The following RBM19 variants were observed in gnomAD, a reference collection of about 807,000 sequenced individuals.
The protein encoded by RBM19 is RNA binding motif protein 19, also known as probable RNA-binding protein 19.
RBM19 carries 94 observed loss-of-function variants against 116.8 expected under a neutral mutation model. The observed-to-expected ratio is 0.80, with a 90% CI of 0.68 to 0.95. The LOEUF is 0.95. Ranked by LOEUF, RBM19 falls within the 40% of genes least tolerant of loss-of-function variation. The pLI is 0.00. For synonymous variants in RBM19, 475 were observed against 494.1 expected (o/e 0.96, Z 0.51); for missense variants, 1,161 against 1,220.7 (o/e 0.95, Z 0.73).
intron 7 of RBM19, 27 bp downstream of exon 7, chr12:113,955,104 C>T (rs762503904): frequency 2.5e-5 from 41 of 1,611,300 alleles, no homozygotes; most frequent in East Asian, 6.7e-5. Flanking sequence ...CGCAGGCTGC[C>T]GACCCTTGTC....
In RBM19 at chr12:113,823,187, C is replaced by T. The variant is rs757402572; in HGVS notation, c.*37G>A. 3 of 1,589,746 alleles carry T rather than the reference C, an allele frequency of 1.9e-6. No homozygotes were observed. The highest frequency in any genetic ancestry group is 1.7e-5 in the Admixed American group (1 of 59,146). ...GAAGCTGGAGCGGCTGTCCCGGTCC[C>T]CAGGGCCCCGGAGCCACACACCCTC... On this transcript the variant is annotated 3_prime_UTR_variant, in exon 24 of 24. Coordinates refer to ENST00000261741, the MANE Select transcript of RBM19 (RefSeq NM_016196.4).
chr12:113,817,012 T>C (rs1318670541), exon 25 of RBM19: 1 of 152,238 alleles, frequency 6.6e-6, no homozygotes, highest in African/African-American at 2.4e-5. Context: ...ACAAATTGAA[T>C]TAGATGTTGA....
At chr12:113,928,388 GCA>G (rs1029913557) in intron 16 of RBM19, among the ~76,000 whole-genome samples, 11 of 147,390 alleles carry the variant, frequency 7.5e-5, no homozygotes, top group South Asian at 6.6e-4. Context: ...ACCATGATCT[GCA>G]CATTTATGAG....
intron 21 of RBM19, among the ~76,000 whole-genome samples, chr12:113,862,831 C>A (rs189452544): frequency 6.6e-6 from 1 of 152,144 alleles, no homozygotes. Flanking sequence ...GAGGACATAC[C>A]GGGCTTTTAA....
intron 8 of RBM19, 57 bp downstream of exon 8, chr12:113,952,455 A>C: frequency 6.8e-7 from 1 of 1,481,074 alleles, no homozygotes; most frequent in African/African-American, 1.4e-5. Flanking sequence ...CAAGTACCCC[A>C]ACCTTCAATC....
chr12:113,822,443 A>G lies in RBM19; in HGVS notation c.*781T>C, dbSNP rs1388828896. ...GGCCCGTGAGCAGAACGCGTCCACCATGAGTGACATCATTCAGCTCAGCCA... is the reference window on the plus strand; with the variant it reads ...GGCCCGTGAGCAGAACGCGTCCACCGTGAGTGACATCATTCAGCTCAGCCA... On this transcript the variant is annotated 3_prime_UTR_variant, in exon 24 of 24. Coordinates refer to ENST00000261741, the MANE Select transcript of RBM19 (RefSeq NM_016196.4). The G allele has an allele frequency of 6.6e-6, 1 of 152,182 alleles. No homozygotes were observed. The highest frequency in any genetic ancestry group is 1.9e-4 in the East Asian group (1 of 5,176). The allele number at this position is 152,182 out of a possible 1,614,324, so 9.4% of individuals were successfully genotyped here.
intron 7 of RBM19, among the ~76,000 whole-genome samples, chr12:113,954,388 C>T (rs1871731159): frequency 6.6e-6 from 1 of 152,122 alleles, no homozygotes; most frequent in African/African-American, 2.4e-5. Context: ...TATCAGTGGA[C>T]GTCACTGGGT....
intron 23 of RBM19, among the ~76,000 whole-genome samples, chr12:113,833,264 G>C (rs1017289625): frequency 6.6e-6 from 1 of 152,192 alleles, no homozygotes; most frequent in Non-Finnish European, 1.5e-5. Context: ...CCAGAAGCAA[G>C]TCTGGCTGGC....
At chr12:113,886,828 C>G (rs1880561869) in intron 21 of RBM19, among the ~76,000 whole-genome samples, 1 of 152,164 alleles carries the variant, frequency 6.6e-6, no homozygotes, top group Non-Finnish European at 1.5e-5. Context: ...GTTTCTCAAA[C>G]AGTAAACATC....
chr12:113,821,854 C>T (rs575527568), downstream of RBM19, among the ~76,000 whole-genome samples: 3 of 152,330 alleles, frequency 2.0e-5, no homozygotes, highest in Non-Finnish European at 2.9e-5. Context: ...CTAGAGGACA[C>T]GAGGCGCATG....
chr12:113,908,525 G>A (rs1476637935), intron 21 of RBM19, among the ~76,000 whole-genome samples: 2 of 122,894 alleles, frequency 1.6e-5, no homozygotes, highest in Non-Finnish European at 3.2e-5. Context: ...GTGAACTCTC[G>A]CCCATTCACA....
intron 21 of RBM19, among the ~76,000 whole-genome samples, chr12:113,875,487 TG>T (rs1424776542): frequency 1.3e-5 from 2 of 152,156 alleles, no homozygotes; most frequent in African/African-American, 4.8e-5. Context: ...GAATGGACTC[TG>T]GAAGGCTGGT....
chr12:113,857,395 TC>T (rs1242240782), intron 22 of RBM19, among the ~76,000 whole-genome samples: 3 of 152,210 alleles, frequency 2.0e-5, no homozygotes, highest in Non-Finnish European at 4.4e-5. Context: ...CAGCCATCAT[TC>T]CCGTTTCACA....
intron 21 of RBM19, among the ~76,000 whole-genome samples, chr12:113,885,021 G>T (rs1593532447): frequency 6.6e-6 from 1 of 152,274 alleles, no homozygotes; most frequent in East Asian, 1.9e-4. Flanking sequence ...AGGAATGATG[G>T]AATTACACAA....
intron 20 of RBM19, among the ~76,000 whole-genome samples, chr12:113,917,945 C>T (rs1053370981): frequency 6.6e-6 from 1 of 152,202 alleles, no homozygotes; most frequent in African/African-American, 2.4e-5. Flanking sequence ...TTCCCATTAA[C>T]TGGAGGCCAT....
chr12:113,843,117 A>T (rs1876645198), intron 23 of RBM19, among the ~76,000 whole-genome samples: 1 of 152,212 alleles, frequency 6.6e-6, no homozygotes, highest in South Asian at 2.1e-4. Flanking sequence ...AAGCAAGACC[A>T]GTGGCCCCAC....
At chr12:113,874,077 A>ACGACTAGCATTTGC (rs1245260865) in intron 21 of RBM19, among the ~76,000 whole-genome samples, 1 of 152,224 alleles carries the variant, frequency 6.6e-6, no homozygotes, top group African/African-American at 2.4e-5. Flanking sequence ...TTGTCTGCAC[A>ACGACTAGCATTTGC]CGACTAGCAT....
chr12:113,914,830 C>A, intron 21 of RBM19, 139 bp downstream of exon 21: 1 of 755,266 alleles, frequency 1.3e-6, no homozygotes, highest in Non-Finnish European at 2.3e-6. Flanking sequence ...AAATCAAAAG[C>A]AGCCAAAAGA....
intron 23 of RBM19, among the ~76,000 whole-genome samples, chr12:113,829,393 C>T (rs1875169808): frequency 6.6e-6 from 1 of 152,242 alleles, no homozygotes; most frequent in Admixed American, 6.5e-5. Context: ...GCCTCTGCCA[C>T]TGTGGGACTC....
Sources: gnomAD v4.1 joint callset for allele counts (sites outside exome capture counted in the v4.1 genomes callset) on GRCh38, gnomAD v4.1.1 for gene constraint, MANE v1.5 for transcripts, NCBI Gene and HGNC (gene_info 2026-07-23, HGNC 2026-07-21) for gene names.